Variants in PRPF40B observed in about 807,000 individuals in gnomAD.
PRPF40B encodes pre-mRNA-processing factor 40 homolog B.
Under a neutral mutation model 124.5 loss-of-function variants are expected in PRPF40B, and 56 were observed. The observed-to-expected ratio is 0.45, with a 90% CI of 0.36 to 0.56. The LOEUF (loss-of-function observed/expected upper bound fraction) is 0.56, where lower values mean the gene tolerates loss of function less well. PRPF40B is among the 20% of genes least tolerant of loss of function. PRPF40B has a pLI of 0.00. For missense variants in PRPF40B, 1,053 were observed against 1,169.5 expected (o/e 0.90, Z 1.45); for synonymous variants, 443 against 426.4 (o/e 1.04, Z -0.48).
intron 1 of PRPF40B, chr12:49,624,238 A>G: frequency 2.3e-6 from 2 of 877,016 alleles, no homozygotes; most frequent in Non-Finnish European, 2.7e-6. Flanking sequence ...ATGCATGAAA[A>G]TTAAATCCCA....
chr12:49,636,119 A>C lies in PRPF40B; in HGVS notation c.1426+126A>C. 5 of 1,182,722 alleles carry C rather than the reference A, an allele frequency of 4.2e-6. No individual in the cohort carries two copies. The South Asian group carries it at 6.1e-5, about 14-fold the overall frequency. 73.3% of individuals were successfully genotyped at this position (1,182,722 alleles called of 1,614,324 possible). On this transcript the variant is annotated intron_variant, in intron 15 of 25. Coordinates refer to ENST00000548825, the MANE Select transcript of PRPF40B (RefSeq NM_001031698.3). ...CCCGGACACCCTAGGAGTACTCAAC[A>C]CTCACCCAGTCCTTGTACCTCTTTG... is the stretch of plus-strand genomic sequence containing the variant.
chr12:49,623,077 T>C (rs1365828001), upstream of PRPF40B, among the ~76,000 whole-genome samples: 1 of 151,078 alleles, frequency 6.6e-6, no homozygotes, highest in East Asian at 1.9e-4. Context: ...TTTTCCAAGC[T>C]GCTGTGTGCT....
upstream of PRPF40B, chr12:49,623,434 G>A: frequency 1.4e-6 from 1 of 726,978 alleles, no homozygotes; most frequent in Non-Finnish European, 1.9e-6. Context: ...ACACCGGGCC[G>A]GTTGGGGCCC....
Position 49,643,730 on chromosome 12 carries a change from C to CT in PRPF40B, c.2421dup (p.Lys808Ter). 6.2e-7 allele frequency: 1 copy of CT among 1,614,136 alleles called. No homozygotes were observed. The highest frequency in any genetic ancestry group is 8.5e-7 in the Non-Finnish European group (1 of 1,180,004). On this transcript the variant is annotated frameshift_variant, in exon 24 of 26. Transcript: ENST00000548825. LOFTEE classifies it high-confidence loss of function. ...AAAGCCAAGAAACCAAAAAAGAAAA[C>CT]TAAGAAGAGAAGACACAAGTCGGTG...
intron 18 of PRPF40B, chr12:49,641,632 A>G: frequency 2.3e-6 from 1 of 438,988 alleles, no homozygotes; most frequent in Middle Eastern, 6.1e-4. Context: ...CCAAAGGAAC[A>G]AAAGTTAATT....
intron 12 of PRPF40B, 173 bp from the exon 13 acceptor site, chr12:49,634,926 C>G: frequency 1.4e-6 from 1 of 725,280 alleles, no homozygotes; most frequent in Non-Finnish European, 2.2e-6. Flanking sequence ...AGCTGCATCT[C>G]TTCCCCTCAC....
chr12:49,638,806 A>T (rs968001449), intron 18 of PRPF40B: 2 of 152,208 alleles, frequency 1.3e-5, no homozygotes, highest in African/African-American at 4.8e-5. Context: ...AAAAATGGTG[A>T]GTGTTCCACC....
At chr12:49,632,331 T>C in intron 4 of PRPF40B, 1 of 568,064 alleles carries the variant, frequency 1.8e-6, no homozygotes, top group Non-Finnish European at 3.1e-6. Context: ...GAATTTGGCA[T>C]CCACTGTGAA....
chr12:49,641,263 T>G (rs1029791150), intron 18 of PRPF40B: 1 of 152,330 alleles, frequency 6.6e-6, no homozygotes, highest in African/African-American at 2.4e-5. Flanking sequence ...GTTTCTCCCA[T>G]GGACTAAGTC....
At position 49,642,198 on chromosome 12, in the gene PRPF40B, C is replaced by G; in HGVS notation, c.1885-37C>G. On this transcript the variant is annotated intron_variant, in intron 19 of 25. Coordinates refer to ENST00000548825, the MANE Select transcript of PRPF40B (RefSeq NM_001031698.3). This position sits in a 1 kb window ranked among gnomAD's most constrained non-coding sequence, Gnocchi z 5.8. Reference sequence around the variant, plus strand: ...CTGAGTGGGACCTGGCATCCACCCTCCTGGGTGACCCTGTTCCGTGTCCCT... The same window carrying G: ...CTGAGTGGGACCTGGCATCCACCCTGCTGGGTGACCCTGTTCCGTGTCCCT... The G allele has an allele frequency of 1.2e-6, 2 of 1,613,954 alleles. No homozygotes were observed. The highest frequency in any genetic ancestry group is 3.3e-4 in the Middle Eastern group (2 of 6,062).
Position 49,633,470 on chromosome 12 carries a change from C to A in PRPF40B, c.503C>A (p.Thr168Lys), listed in dbSNP as rs1250954673. Residue 168 changes from threonine to lysine, a missense_variant, in exon 8 of 26, where the codon ACA (threonine) becomes AAA (lysine). Thr to Lys is a moderately conservative substitution (Grantham distance 78). Around this residue, in one of 2 missense-constraint regions of PRPF40B, gnomAD observed 895 missense variants for 1,052.2 expected, o/e 0.85. Coordinates refer to ENST00000548825, the MANE Select transcript of PRPF40B (RefSeq NM_001031698.3). ...QCPWKEYKSD[T>K]GKPYYYNNQS... is the part of the protein sequence containing the mutation. ...CCCTGGAAAGAGTACAAGTCGGACA[C>A]AGGCAAACCTTATTACTATAACAAC... is the stretch of plus-strand genomic sequence containing the variant. 6.2e-7 allele frequency: 1 copy of A among 1,614,220 alleles called. No homozygotes were observed. Among genetic ancestry groups the A allele is most frequent in the Admixed American group, 1.7e-5 (1 of 60,028 alleles).
intron 1 of PRPF40B, among the ~76,000 whole-genome samples, chr12:49,626,211 G>A (rs761553772): frequency 6.6e-6 from 1 of 152,202 alleles, no homozygotes; most frequent in Non-Finnish European, 1.5e-5. Flanking sequence ...GTGCATTTTA[G>A]GATATTCCAG....
chr12:49,641,798 C>G lies in PRPF40B; in HGVS notation c.1768-110C>G, dbSNP rs1189949847. On this transcript the variant is annotated intron_variant, in intron 18 of 25. Coordinates refer to ENST00000548825, the MANE Select transcript of PRPF40B (RefSeq NM_001031698.3). ...TAATGCAGACCACAGTCCTGTGGAT[C>G]TCTTCCAGAGGCAAGGGCCTTCTTG... 8.3e-6 allele frequency: 7 copies of G among 845,682 alleles called. No individual in the cohort carries two copies. In the East Asian group the frequency reaches 1.7e-4, roughly 21 times the overall value. The allele number at this position is 845,682 out of a possible 1,614,324, so 52.4% of individuals were successfully genotyped here.
In PRPF40B at chr12:49,634,622, G is replaced by A. The variant is rs762573016; in HGVS notation, c.1001+20G>A. 1.2e-6 allele frequency: 2 copies of A among 1,613,922 alleles called. No individual in the cohort carries two copies. The highest frequency in any genetic ancestry group is 4.5e-5 in the East Asian group (2 of 44,880). On this transcript the variant is annotated intron_variant, in intron 12 of 25. Transcript: ENST00000548825. ...TTACAGGTAGGCCTGGGCAGAGGGAGCCAGGCCCTGTTCATGAGAGCAGCT... is the reference window on the plus strand; with the variant it reads ...TTACAGGTAGGCCTGGGCAGAGGGAACCAGGCCCTGTTCATGAGAGCAGCT...
In PRPF40B at chr12:49,631,615, G is replaced by A; in HGVS notation, c.228+71G>A. 6.7e-7 allele frequency: 1 copy of A among 1,500,804 alleles called. No individual in the cohort carries two copies. Among genetic ancestry groups the A allele is most frequent in the Non-Finnish European group, 9.0e-7 (1 of 1,112,960 alleles). The allele number at this position is 1,500,804 out of a possible 1,614,324, so 93.0% of individuals were successfully genotyped here. On this transcript the variant is annotated intron_variant, in intron 3 of 25. Coordinates refer to ENST00000548825, the MANE Select transcript of PRPF40B (RefSeq NM_001031698.3). The surrounding 1 kb of genome is among the most constrained non-coding windows in gnomAD (Gnocchi z 4.3). ...TAGCTGGGGGTGGAGATAAGAGCGGGCATGTAGGCCTCAGAAACTGGGGAA... is the reference window on the plus strand; with the variant it reads ...TAGCTGGGGGTGGAGATAAGAGCGGACATGTAGGCCTCAGAAACTGGGGAA...
At position 49,643,371 on chromosome 12, in the gene PRPF40B, C is replaced by T; in HGVS notation, c.2354C>T (p.Ser785Phe). The T allele has an allele frequency of 6.4e-7, 1 of 1,573,074 alleles. No individual in the cohort carries two copies. The stretch of plus-strand genomic sequence containing the variant: ...GGTGCTGCCCTTGGAGGACGGGGCT[C>T]CCCTTCCTCCCATCTTCTTGGAGCA... ...SGGAALGGRG[S>F]PSSHLLGADH... The change falls in exon 23 of 26, where the codon TCC becomes TTC. Residue 785 changes from serine to phenylalanine, a missense_variant. Around this residue, in one of 2 missense-constraint regions of PRPF40B, gnomAD observed 895 missense variants for 1,052.2 expected, o/e 0.85. Transcript: ENST00000548825.
In PRPF40B at chr12:49,642,871, G is replaced by A. The variant is rs1347192907; in HGVS notation, c.2119-59G>A. 14 of 1,541,884 alleles carry A rather than the reference G, an allele frequency of 9.1e-6. No homozygotes were observed. Among genetic ancestry groups the A allele is most frequent in the Non-Finnish European group, 1.2e-5 (14 of 1,131,326 alleles). On this transcript the variant is annotated intron_variant, in intron 21 of 25. Transcript: ENST00000548825. The surrounding 1 kb of genome is among the most constrained non-coding windows in gnomAD (Gnocchi z 5.8). ...GGCAAAGCCAGATTTTAGGAAGTAG[G>A]ATCCTTCCTGGGGCTAAGTCTGGTG...
intron 15 of PRPF40B, 110 bp from the exon 16 acceptor site, chr12:49,636,606 T>G: frequency 6.7e-7 from 1 of 1,485,430 alleles, no homozygotes; most frequent in Non-Finnish European, 9.2e-7. Context: ...CCCACCACCC[T>G]GGGTATCCCT....
At position 49,637,066 on chromosome 12, in the gene PRPF40B, C is replaced by CA. The variant is rs565902316; in HGVS notation, c.1560+218dup. 22 of 691,130 alleles carry CA rather than the reference C, an allele frequency of 3.2e-5. No homozygotes were observed. In the East Asian group the frequency reaches 5.8e-4, roughly 18 times the overall value. 42.8% of individuals were successfully genotyped at this position (691,130 alleles called of 1,614,324 possible). ...AGGGAGACTAGATGTATGCACCACC[C>CA]AGAAACTGCCAGTAGAGAGCACCCT... On this transcript the variant is annotated intron_variant, in intron 16 of 25. Coordinates refer to ENST00000548825, the MANE Select transcript of PRPF40B (RefSeq NM_001031698.3).
Sources: allele counts gnomAD v4.1 joint callset (sites outside exome capture counted in the v4.1 genomes callset), GRCh38; gene constraint gnomAD v4.1.1; regional missense constraint gnomAD v4.1.1; non-coding constraint Gnocchi (gnomAD v3.1); transcripts MANE v1.5; gene names NCBI Gene and HGNC (gene_info 2026-07-23, HGNC 2026-07-21).